The following LHX4 variants were observed in gnomAD, a reference collection of about 807,000 sequenced individuals.
LHX4 encodes the protein LIM homeobox 4, also known as LIM/homeobox protein Lhx4.
LHX4 carries 16 observed loss-of-function variants against 39.2 expected under a neutral mutation model. That is an observed-to-expected ratio of 0.41 (90% CI 0.28 to 0.62). The LOEUF (loss-of-function observed/expected upper bound fraction) is 0.62, where lower values mean the gene tolerates loss of function less well. Among genes scored for constraint, LHX4 ranks in the 20% least tolerant of loss-of-function variants. The pLI, the probability that LHX4 is intolerant of heterozygous loss-of-function variation, is 0.33. For missense variants in LHX4, 439 were observed against 511.9 expected (o/e 0.86, Z 1.37); for synonymous variants, 206 against 198.1 (o/e 1.04, Z -0.33).
chr1:180,272,355 T>A (rs989387365), intron 5 of LHX4, among the ~76,000 whole-genome samples: 1 of 152,138 alleles, frequency 6.6e-6, no homozygotes, highest in Non-Finnish European at 1.5e-5. Flanking sequence ...CCCTCTCCCA[T>A]CTTTGTCCCC....
chr1:180,246,006 A>G (rs1647368064), intron 1 of LHX4, among the ~76,000 whole-genome samples: 1 of 151,554 alleles, frequency 6.6e-6, no homozygotes, highest in Non-Finnish European at 1.5e-5. Flanking sequence ...CTGTGGAGAT[A>G]GAAAAAAAAA....
intron 2 of LHX4, among the ~76,000 whole-genome samples, chr1:180,254,263 G>A (rs1647753705): frequency 6.6e-6 from 1 of 152,220 alleles, no homozygotes; most frequent in South Asian, 2.1e-4. Flanking sequence ...CCCTCACAAG[G>A]CAAGGCAGGC....
At chr1:180,269,642 A>C (rs1648509062) in intron 3 of LHX4, 1 of 152,222 alleles carries the variant, frequency 6.6e-6, no homozygotes, top group Non-Finnish European at 1.5e-5. Flanking sequence ...GATTCTCGAG[A>C]AATTAAAACA....
upstream of LHX4, among the ~76,000 whole-genome samples, chr1:180,228,627 T>C (rs1383549096): frequency 6.6e-6 from 1 of 152,218 alleles, no homozygotes; most frequent in Admixed American, 6.5e-5. Flanking sequence ...TTCTTGTGTA[T>C]ATTGTCTCGC....
chr1:180,229,436 C>A (rs1664107068), upstream of LHX4, among the ~76,000 whole-genome samples: 1 of 152,112 alleles, frequency 6.6e-6, no homozygotes, highest in South Asian at 2.1e-4. Flanking sequence ...GGGGGGCCTG[C>A]GTCCCGCCAC....
chr1:180,252,325 A>C (rs1229443883), intron 2 of LHX4, among the ~76,000 whole-genome samples: 2 of 152,218 alleles, frequency 1.3e-5, no homozygotes, highest in African/African-American at 2.4e-5. Context: ...TAGAAGTCAC[A>C]TCTGTGGCCA....
At chr1:180,272,689 T>C (rs1188519514) in intron 5 of LHX4, 1 of 152,246 alleles carries the variant, frequency 6.6e-6, no homozygotes, top group African/African-American at 2.4e-5. Context: ...ATGTGGAAGG[T>C]CTTCTGCGGA....
intron 1 of LHX4, among the ~76,000 whole-genome samples, chr1:180,233,748 A>T (rs1664235523): frequency 6.6e-6 from 1 of 152,142 alleles, no homozygotes; most frequent in South Asian, 2.1e-4. Flanking sequence ...GGCAGCCCGC[A>T]CGGGAGAAGG....
rs1412017389 is a variant in LHX4 at position 180,271,761 on chromosome 1, C to T, written c.607-74C>T. The T allele has an allele frequency of 2.6e-5, 40 of 1,558,630 alleles. 1 individual carries two copies. Among genetic ancestry groups the T allele is most frequent in the African/African-American group, 1.2e-4 (9 of 73,782 alleles). On this transcript the variant is annotated intron_variant, in intron 4 of 5. Transcript: ENST00000263726. The stretch of plus-strand genomic sequence containing the variant: ...AGGCTTCAGTCTGCTTCCAGCCGCC[C>T]GCCTAGGGGGTCCTGGGGGCTTTGG...
Position 180,231,554 on chromosome 1 carries a change from TCGCGCGCGCG to T in LHX4, c.76+964_76+973del, listed in dbSNP as rs3041737. 8.5e-3 allele frequency among the ~76,000 whole-genome samples: 1,125 copies of T among 132,784 alleles called. 16 individuals are homozygous for T. Among genetic ancestry groups the T allele is most frequent in the African/African-American group, 0.022 (831 of 37,846 alleles). The allele number at this position is 132,784 out of a possible 152,430, so 87.1% of individuals were successfully genotyped here. A position where few individuals can be genotyped will look rare whatever the true frequency, so the allele number is the denominator to read the frequency against. On this transcript the variant is annotated intron_variant, in intron 1 of 5. Transcript: ENST00000263726. ...AGAGGCCAGAACAGGTGCCCAGTCG[TCGCGCGCGCG>T]CGCGCGCGCGCGCGACAAGCGCCGG...
chr1:180,228,396 G>A (rs1664076804), upstream of LHX4, among the ~76,000 whole-genome samples: 1 of 152,138 alleles, frequency 6.6e-6, no homozygotes. Flanking sequence ...AGCAGTATTG[G>A]TGAGTGTCCA....
upstream of LHX4, chr1:180,230,249 A>G (rs545245517): frequency 4.0e-6 from 2 of 494,852 alleles, no homozygotes; most frequent in Non-Finnish European, 7.3e-6. The surrounding 1 kb of genome is among the most constrained non-coding windows in gnomAD (Gnocchi z 5.8). Context: ...CGGGGGAGGG[A>G]AGAGGAAAAA....
intron 1 of LHX4, among the ~76,000 whole-genome samples, chr1:180,235,713 A>G (rs1306658452): frequency 1.3e-5 from 2 of 152,164 alleles, no homozygotes; most frequent in Non-Finnish European, 2.9e-5. Context: ...TAGGCGGCTG[A>G]GGATGTCAAT....
At position 180,274,642 on chromosome 1, in the gene LHX4, G is replaced by A; in HGVS notation, c.*63G>A. On this transcript the variant is annotated 3_prime_UTR_variant, in exon 6 of 6. Coordinates refer to ENST00000263726, the MANE Select transcript of LHX4 (RefSeq NM_033343.4). ...GAGAGAATATCTTCAAGGATCAAAA[G>A]AGACTTGCCTTTTAAGGATCGAAAG... 6 of 1,484,566 alleles carry A rather than the reference G, an allele frequency of 4.0e-6. No homozygotes were observed. Among genetic ancestry groups the A allele is most frequent in the Non-Finnish European group, 5.4e-6 (6 of 1,117,712 alleles). The allele number at this position is 1,484,566 out of a possible 1,614,324, so 92.0% of individuals were successfully genotyped here. A position where few individuals can be genotyped will look rare whatever the true frequency, so the allele number is the denominator to read the frequency against.
chr1:180,271,656 C>A, intron 4 of LHX4, 122 bp downstream of exon 4: 2 of 1,402,062 alleles, frequency 1.4e-6, no homozygotes, highest in South Asian at 1.2e-5. Flanking sequence ...GGGCTTTTGC[C>A]AGAACTGAAG....
intron 2 of LHX4, among the ~76,000 whole-genome samples, chr1:180,258,664 C>T (rs369680857): frequency 8.5e-5 from 13 of 152,066 alleles, no homozygotes; most frequent in East Asian, 3.9e-4. Context: ...AGAAGCTGGG[C>T]GTGGTAGTTC....
In LHX4 at chr1:180,262,281, GAAA is replaced by G. The variant is rs34979970; in HGVS notation, c.249-4094_249-4092del. Among the ~76,000 whole-genome samples, 39 of 132,526 alleles carry G rather than the reference GAAA, an allele frequency of 2.9e-4. 1 individual carries two copies. The highest frequency in any genetic ancestry group is 6.2e-4 in the African/African-American group (22 of 35,240). 86.9% of individuals were successfully genotyped at this position (132,526 alleles called of 152,430 possible). On this transcript the variant is annotated intron_variant, in intron 2 of 5. Transcript: ENST00000263726. ...CTTCCTACAGAGATGACTTTGAAAG[GAAA>G]AAAAAAAAAAAAAAAAGGAAAAACA...
At chr1:180,267,585 C>T (rs1490441671) in intron 3 of LHX4, among the ~76,000 whole-genome samples, 3 of 152,236 alleles carry the variant, frequency 2.0e-5, no homozygotes, top group Non-Finnish European at 4.4e-5. Context: ...TTTGGCCAAA[C>T]CCAACATGAT....
At chr1:180,254,535 G>C (rs1647765031) in intron 2 of LHX4, among the ~76,000 whole-genome samples, 1 of 152,260 alleles carries the variant, frequency 6.6e-6, no homozygotes, top group South Asian at 2.1e-4. Context: ...GCAGGGTGGT[G>C]GTGCTGGCTG....
Sources: gnomAD v4.1 joint callset for allele counts (sites outside exome capture counted in the v4.1 genomes callset) on GRCh38, gnomAD v4.1.1 for gene constraint, Gnocchi (gnomAD v3.1) non-coding constraint, MANE v1.5 for transcripts, NCBI Gene and HGNC (gene_info 2026-07-23, HGNC 2026-07-21) for gene names.